PLLP: variants seen among roughly 807,000 people sequenced by gnomAD.
The protein encoded by PLLP is plasma membrane proteolipid (plasmolipin).
Under a neutral mutation model 19.7 loss-of-function variants are expected in PLLP, and 15 were observed. That is an observed-to-expected ratio of 0.76 (90% CI 0.51 to 1.17). PLLP has a LOEUF of 1.17. PLLP is among the 50% of genes most tolerant of loss of function. The probability of loss-of-function intolerance (pLI) is 0.00; values close to 1 mark genes in which losing one functional copy is unlikely to be tolerated. For missense variants in PLLP, 255 were observed against 258.3 expected, an observed-to-expected ratio of 0.99 and a Z score of 0.09; for synonymous variants, 111 against 116.3, an observed-to-expected ratio of 0.95 and a Z score of 0.29.
At chr16:57,284,286 T>C in intron 1 of PLLP, 120 bp downstream of exon 1, 1 of 921,940 alleles carries the variant, frequency 1.1e-6, no homozygotes, top group South Asian at 2.7e-5. Flanking sequence ...TCGGTGACAG[T>C]GTGAGCCCGG....
chr16:57,259,650 A>G (rs182698389), intron 2 of PLLP, among the ~76,000 whole-genome samples: 120 of 152,288 alleles, frequency 7.9e-4, no homozygotes, highest in Admixed American at 1.5e-3. Flanking sequence ...ATTTCATGAA[A>G]ACCTGAAGAC....
Position 57,284,560 on chromosome 16 carries a change from C to G in PLLP, c.-20G>C. ...GGCCATGGCGGCTCCGCTTGCCTCCCGAGGTCGCTACGGCCGCCGTCGCCG... is the reference window on the plus strand; with the variant it reads ...GGCCATGGCGGCTCCGCTTGCCTCCGGAGGTCGCTACGGCCGCCGTCGCCG... On this transcript the variant is annotated 5_prime_UTR_variant, in exon 1 of 4. Transcript: ENST00000219207. 3 of 1,334,922 alleles carry G rather than the reference C, an allele frequency of 2.2e-6. No individual in the cohort carries two copies. The highest frequency in any genetic ancestry group is 2.9e-6 in the Non-Finnish European group (3 of 1,035,858). The allele number at this position is 1,334,922 out of a possible 1,614,324, so 82.7% of individuals were successfully genotyped here.
At chr16:57,258,175 G>A (rs1567528437) in intron 3 of PLLP, among the ~76,000 whole-genome samples, 1 of 152,168 alleles carries the variant, frequency 6.6e-6, no homozygotes, top group East Asian at 1.9e-4. Context: ...AGGTTGCAGT[G>A]AGCTGAGATC....
chr16:57,277,676 G>C (rs1046312130), intron 1 of PLLP, among the ~76,000 whole-genome samples: 2 of 152,168 alleles, frequency 1.3e-5, no homozygotes, highest in African/African-American at 4.8e-5. Context: ...CACTGATACA[G>C]AATATCCCTA....
chr16:57,277,140 T>A (rs1316836286), intron 1 of PLLP, among the ~76,000 whole-genome samples: 8 of 152,162 alleles, frequency 5.3e-5, no homozygotes, highest in Non-Finnish European at 1.5e-5. Flanking sequence ...AGAGCCACAT[T>A]TGCATAGGTC....
At chr16:57,258,920 C>CAAA (rs59321788) in intron 2 of PLLP, among the ~76,000 whole-genome samples, 12 of 40,264 alleles carry the variant, frequency 3.0e-4, no homozygotes, top group Admixed American at 1.0e-3. Flanking sequence ...GATCCTGTCT[C>CAAA]AAAAAAAAAA....
chr16:57,262,503 G>T (rs898436333), intron 1 of PLLP, among the ~76,000 whole-genome samples: 3 of 152,010 alleles, frequency 2.0e-5, no homozygotes. Context: ...AGTGAGCTGA[G>T]ATCACGCCAC....
At chr16:57,274,391 A>G (rs561274675) in intron 1 of PLLP, among the ~76,000 whole-genome samples, 16 of 152,340 alleles carry the variant, frequency 1.1e-4, no homozygotes, top group Non-Finnish European at 2.2e-4. Context: ...TCCAAATAGC[A>G]TATTCAGCAT....
At chr16:57,266,251 C>T (rs560173442) in intron 1 of PLLP, among the ~76,000 whole-genome samples, 1 of 152,182 alleles carries the variant, frequency 6.6e-6, no homozygotes, top group South Asian at 2.1e-4. Context: ...TCCAGATCAG[C>T]GAACACAGCG....
In PLLP at chr16:57,256,107, CATCTTT is replaced by C. The variant is rs2075424711; in HGVS notation, c.*800_*805del. On this transcript the variant is annotated 3_prime_UTR_variant, in exon 4 of 4. Coordinates refer to ENST00000219207, the MANE Select transcript of PLLP (RefSeq NM_015993.3). Reference sequence around the variant, plus strand: ...AACATCTTGTCCAAATAATTTCTCTCATCTTTATTTTTATTAAAAAAAATAAAACAG... The same window carrying C: ...AACATCTTGTCCAAATAATTTCTCTCATTTTTATTAAAAAAAATAAAACAG... 1 of 398,410 alleles carries C rather than the reference CATCTTT, an allele frequency of 2.5e-6. No individual in the cohort carries two copies. The highest frequency in any genetic ancestry group is 3.6e-5 in the East Asian group (1 of 28,086). The allele number at this position is 398,410 out of a possible 1,614,324, so 24.7% of individuals were successfully genotyped here.
chr16:57,258,792 A>G (rs2075433738), intron 2 of PLLP, among the ~76,000 whole-genome samples: 1 of 151,806 alleles, frequency 6.6e-6, no homozygotes, highest in African/African-American at 2.4e-5. Flanking sequence ...ATGGTGGCGC[A>G]TGCCTGTGAT....
chr16:57,270,403 C>A (rs2075471034), intron 1 of PLLP, among the ~76,000 whole-genome samples: 1 of 151,100 alleles, frequency 6.6e-6, no homozygotes, highest in African/African-American at 2.4e-5. Context: ...CTTCCCAGGT[C>A]CCCGAGTCCT....
intron 1 of PLLP, among the ~76,000 whole-genome samples, chr16:57,280,053 C>T (rs1316371477): frequency 1.3e-5 from 2 of 152,208 alleles, no homozygotes; most frequent in African/African-American, 4.8e-5. Context: ...TGTCCTGATC[C>T]TCCTTCTCCC....
intron 1 of PLLP, among the ~76,000 whole-genome samples, chr16:57,273,230 AGCCT>A (rs1901098529): frequency 6.6e-6 from 1 of 151,770 alleles, no homozygotes; most frequent in South Asian, 2.1e-4. Context: ...ACTGCACTCC[AGCCT>A]GGGGGACAGA....
At chr16:57,271,017 C>T (rs1183439600) in intron 1 of PLLP, among the ~76,000 whole-genome samples, 3 of 152,180 alleles carry the variant, frequency 2.0e-5, no homozygotes, top group Admixed American at 6.5e-5. Context: ...CCACCCCACC[C>T]CCACCTCCCG....
intron 1 of PLLP, among the ~76,000 whole-genome samples, chr16:57,274,024 G>C (rs1901117273): frequency 6.6e-6 from 1 of 152,196 alleles, no homozygotes; most frequent in African/African-American, 2.4e-5. Context: ...GTCTCACTCT[G>C]TTGCCCAGGC....
In PLLP at chr16:57,262,083, G is replaced by C; in HGVS notation, c.136-13C>G. ...GCAGCCCCAGCACCTAGGAGGGTCA[G>C]ACAAGGCAGGATTGGCCAGAGATGC... On this transcript the variant is annotated splice_polypyrimidine_tract_variant and intron_variant, in intron 1 of 3. Transcript: ENST00000219207. 1.2e-6 allele frequency: 2 copies of C among 1,613,832 alleles called. No individual in the cohort carries two copies. Among genetic ancestry groups the C allele is most frequent in the Admixed American group, 1.7e-5 (1 of 60,010 alleles).
chr16:57,259,122 A>G (rs1224033927), intron 2 of PLLP, among the ~76,000 whole-genome samples: 1 of 152,110 alleles, frequency 6.6e-6, no homozygotes, highest in Admixed American at 6.5e-5. Flanking sequence ...AGCAGGGAGC[A>G]TGAACACACC....
intron 1 of PLLP, among the ~76,000 whole-genome samples, chr16:57,263,737 C>T (rs2075448829): frequency 6.6e-6 from 1 of 151,912 alleles, no homozygotes; most frequent in South Asian, 2.1e-4. Flanking sequence ...CCACCCACCC[C>T]TTGCTGGTGG....
Sources: allele counts gnomAD v4.1 joint callset (sites outside exome capture counted in the v4.1 genomes callset), GRCh38; gene constraint gnomAD v4.1.1; transcripts MANE v1.5; gene names NCBI Gene and HGNC (gene_info 2026-07-23, HGNC 2026-07-21).